The following ATF7IP2 variants were observed in gnomAD, a reference collection of about 807,000 sequenced individuals.
The protein encoded by ATF7IP2 is activating transcription factor 7-interacting protein 2.
In ATF7IP2, 42 loss-of-function variants were observed where a neutral mutation model predicts 64.2. That is an observed-to-expected ratio of 0.65 (90% CI 0.51 to 0.85). The LOEUF is 0.85. ATF7IP2 is among the 40% of genes least tolerant of loss of function. The pLI is 0.00. For missense variants in ATF7IP2, 933 were observed against 784.2 expected, an observed-to-expected ratio of 1.19 and a Z score of -2.27; for synonymous variants, 308 against 272.8, an observed-to-expected ratio of 1.13 and a Z score of -1.27.
At position 10,431,097 on chromosome 16, in the gene ATF7IP2, G is replaced by C. The variant is rs76697507; in HGVS notation, c.477G>C (p.Glu159Asp). ...TAACAAGATCCCTTTTTGAGCATGA[G>C]GGGGCTTGTAGTCTAAAGTCCAGTT... ...TNVTRSLFEH[E>D]GACSLKSSCC... The change falls in exon 5 of 14, where the codon GAG becomes GAC. Residue 159 changes from glutamate (E) to aspartate (D), a missense_variant. Coordinates refer to ENST00000562102, the MANE Select transcript of ATF7IP2 (RefSeq NM_001393719.1). 4 of 1,614,046 alleles carry C rather than the reference G, an allele frequency of 2.5e-6. No homozygotes were observed. Among genetic ancestry groups the C allele is most frequent in the Non-Finnish European group, 1.7e-6 (2 of 1,179,998 alleles).
intron 8 of ATF7IP2, 51 bp from the exon 9 acceptor site, chr16:10,457,321 A>G (rs1157003519): frequency 4.7e-6 from 7 of 1,501,318 alleles, no homozygotes; most frequent in Non-Finnish European, 6.3e-6. Context: ...GTTTGGAAGG[A>G]TACAATTGGT....
intron 10 of ATF7IP2, 116 bp downstream of exon 10, chr16:10,472,299 C>G: frequency 2.1e-6 from 1 of 486,852 alleles, no homozygotes; most frequent in Non-Finnish European, 3.6e-6. Context: ...GTTAAATGTA[C>G]TCTCAAATGT....
intron 3 of ATF7IP2, among the ~76,000 whole-genome samples, chr16:10,425,613 G>T (rs531343168): frequency 7.9e-5 from 12 of 152,184 alleles, no homozygotes; most frequent in African/African-American, 2.6e-4. Flanking sequence ...TTAAAAGTAG[G>T]CCGGGTGTGG....
chr16:10,410,814 C>T (rs2047744336), intron 1 of ATF7IP2, among the ~76,000 whole-genome samples: 2 of 152,134 alleles, frequency 1.3e-5, no homozygotes, highest in South Asian at 4.1e-4. Context: ...ATGTTTTCAA[C>T]TTTTCCCCAT....
In ATF7IP2 at chr16:10,457,368, AT is replaced by A; in HGVS notation, c.1195-3del. 2 of 1,598,828 alleles carry A rather than the reference AT, an allele frequency of 1.3e-6. No individual in the cohort carries two copies. Among genetic ancestry groups the A allele is most frequent in the Non-Finnish European group, 1.7e-6 (2 of 1,175,802 alleles). On this transcript the variant is annotated splice_region_variant and splice_polypyrimidine_tract_variant and intron_variant, in intron 8 of 13. Coordinates refer to ENST00000562102, the MANE Select transcript of ATF7IP2 (RefSeq NM_001393719.1). ...CAACTGCTTTTTTCTCACCTATTTA[AT>A]AGGTTGCAAATTCAGAGGCTATGAT...
intron 3 of ATF7IP2, among the ~76,000 whole-genome samples, chr16:10,425,733 A>C (rs2048071990): frequency 6.6e-6 from 1 of 152,026 alleles, no homozygotes; most frequent in African/African-American, 2.4e-5. Flanking sequence ...ATCTCTATTA[A>C]AAATACAAAA....
chr16:10,466,790 GT>G (rs1382713629), intron 9 of ATF7IP2, among the ~76,000 whole-genome samples: 2 of 151,786 alleles, frequency 1.3e-5, no homozygotes, highest in African/African-American at 2.4e-5. Flanking sequence ...TTTCAGTGTA[GT>G]TTTTTTCATA....
At chr16:10,426,950 T>A (rs1032272667) in intron 3 of ATF7IP2, among the ~76,000 whole-genome samples, 1 of 151,824 alleles carries the variant, frequency 6.6e-6, no homozygotes, top group Non-Finnish European at 1.5e-5. Context: ...TCTCCCGGGT[T>A]CAAGCGATTC....
At chr16:10,453,150 G>A (rs779059286) in intron 8 of ATF7IP2, among the ~76,000 whole-genome samples, 6 of 152,174 alleles carry the variant, frequency 3.9e-5, no homozygotes, top group Non-Finnish European at 8.8e-5. Flanking sequence ...AAAAACTCCT[G>A]CACCTAACTC....
At chr16:10,438,589 T>C (rs142937380) in intron 7 of ATF7IP2, among the ~76,000 whole-genome samples, 30 of 152,196 alleles carry the variant, frequency 2.0e-4, no homozygotes, top group African/African-American at 6.5e-4. Flanking sequence ...TTTGGTGATA[T>C]TTTTCATATT....
intron 12 of ATF7IP2, among the ~76,000 whole-genome samples, chr16:10,477,595 G>A (rs912035626): frequency 1.3e-5 from 2 of 152,156 alleles, no homozygotes; most frequent in Non-Finnish European, 2.9e-5. Context: ...GCACAAGACA[G>A]GGATGCCCTC....
chr16:10,438,790 C>T (rs1201915926), intron 7 of ATF7IP2, among the ~76,000 whole-genome samples: 2 of 152,154 alleles, frequency 1.3e-5, no homozygotes, highest in South Asian at 4.1e-4. Context: ...CGCGATGGCT[C>T]ATGCCTGTAA....
intron 8 of ATF7IP2, among the ~76,000 whole-genome samples, chr16:10,453,686 C>T (rs2049064662): frequency 2.0e-5 from 3 of 152,274 alleles, no homozygotes; most frequent in East Asian, 1.9e-4. Flanking sequence ...GGCACAATCT[C>T]AGCTCATCGC....
chr16:10,459,027 A>AAATAATAATAATAAT (rs35159382), intron 9 of ATF7IP2, among the ~76,000 whole-genome samples: 1 of 150,130 alleles, frequency 6.7e-6, no homozygotes, highest in Non-Finnish European at 1.5e-5. Flanking sequence ...CTCTACTAAA[A>AAATAATAATAATAAT]AATAATAATA....
intron 3 of ATF7IP2, among the ~76,000 whole-genome samples, chr16:10,421,717 T>G (rs999308390): frequency 1.3e-5 from 2 of 152,238 alleles, no homozygotes; most frequent in African/African-American, 2.4e-5. Context: ...ACAAAGTATA[T>G]CATCCATATG....
chr16:10,473,463 G>A lies in ATF7IP2; in HGVS notation c.1427-16G>A, dbSNP rs560004655. The A allele has an allele frequency of 7.3e-6, 11 of 1,502,828 alleles. No homozygotes were observed. In the East Asian group the frequency reaches 2.3e-4, roughly 31 times the overall value. 93.1% of individuals were successfully genotyped at this position (1,502,828 alleles called of 1,614,324 possible). ...ATATTGTGTAATAAATTTGTCAAAT[G>A]TCTAATTTCTTTCAGATACCAGAAA... On this transcript the variant is annotated splice_polypyrimidine_tract_variant and intron_variant, in intron 10 of 13. Transcript: ENST00000562102.
chr16:10,407,334 G>A (rs1230624193), intron 1 of ATF7IP2, among the ~76,000 whole-genome samples: 2 of 152,094 alleles, frequency 1.3e-5, no homozygotes, highest in African/African-American at 4.8e-5. Flanking sequence ...ACACAACAAG[G>A]CTGCCCGTTT....
chr16:10,440,970 C>G (rs1336039915), intron 8 of ATF7IP2, among the ~76,000 whole-genome samples: 1 of 152,128 alleles, frequency 6.6e-6, no homozygotes, highest in Non-Finnish European at 1.5e-5. Context: ...TCTCATTGTT[C>G]AACTCCCACT....
chr16:10,482,350 G>A lies in ATF7IP2; in HGVS notation c.*101G>A. 1 of 874,090 alleles carries A rather than the reference G, an allele frequency of 1.1e-6. No individual in the cohort carries two copies. 54.1% of individuals were successfully genotyped at this position (874,090 alleles called of 1,614,324 possible). On this transcript the variant is annotated 3_prime_UTR_variant, in exon 14 of 14. Coordinates refer to ENST00000562102, the MANE Select transcript of ATF7IP2 (RefSeq NM_001393719.1). Reference sequence around the variant, plus strand: ...ATTGTAAAAGGCCAGCTCAGATTGTGAGCCCTTTCTATTGGGACAGTCCTC... The same window carrying A: ...ATTGTAAAAGGCCAGCTCAGATTGTAAGCCCTTTCTATTGGGACAGTCCTC...
Sources: gnomAD v4.1 joint callset for allele counts (sites outside exome capture counted in the v4.1 genomes callset) on GRCh38, gnomAD v4.1.1 for gene constraint, MANE v1.5 for transcripts, NCBI Gene and HGNC (gene_info 2026-07-23, HGNC 2026-07-21) for gene names.